Variants in FSIP1 observed in about 807,000 individuals in gnomAD.
FSIP1 encodes the protein fibrous sheath-interacting protein 1.
FSIP1 carries 65 observed loss-of-function variants against 60.9 expected under a neutral mutation model. The observed-to-expected ratio is 1.07, with a 90% confidence interval of 0.87 to 1.31. The LOEUF (loss-of-function observed/expected upper bound fraction) is 1.31, where lower values mean the gene tolerates loss of function less well. FSIP1 is among the 40% of genes most tolerant of loss of function. FSIP1 has a pLI of 0.00. For synonymous variants in FSIP1, 209 were observed against 221.2 expected (o/e 0.94, Z 0.49); for missense variants, 675 against 665.5 (o/e 1.01, Z -0.16).
At chr15:39,681,229 T>C (rs1254969106) in intron 10 of FSIP1, among the ~76,000 whole-genome samples, 1 of 152,170 alleles carries the variant, frequency 6.6e-6, no homozygotes, top group Non-Finnish European at 1.5e-5. Flanking sequence ...TCCAATACAA[T>C]GCAACTTAAA....
At chr15:39,635,597 G>A (rs1892101176) in intron 10 of FSIP1, among the ~76,000 whole-genome samples, 1 of 152,084 alleles carries the variant, frequency 6.6e-6, no homozygotes, top group African/African-American at 2.4e-5. Flanking sequence ...ATTTCCTATT[G>A]TAATAGCTTA....
chr15:39,782,829 C>T lies in FSIP1; in HGVS notation c.-209G>A, dbSNP rs1898327718. Reference sequence around the variant, plus strand: ...TGTGGGACCGCTGTTTCCCTGGCAACCAGATGCGCGATGCTTCCGGTCTCG... The same window carrying T: ...TGTGGGACCGCTGTTTCCCTGGCAATCAGATGCGCGATGCTTCCGGTCTCG... On this transcript the variant is annotated 5_prime_UTR_variant, in exon 1 of 12. Transcript: ENST00000350221. 6.6e-6 allele frequency: 1 copy of T among 152,474 alleles called. No individual in the cohort carries two copies. The highest frequency in any genetic ancestry group is 1.5e-5 in the Non-Finnish European group (1 of 68,242). 9.4% of individuals were successfully genotyped at this position (152,474 alleles called of 1,614,324 possible).
At chr15:39,657,544 T>C (rs1453669713) in intron 10 of FSIP1, among the ~76,000 whole-genome samples, 3 of 152,188 alleles carry the variant, frequency 2.0e-5, no homozygotes, top group African/African-American at 7.2e-5. Context: ...TTTAAAGCAG[T>C]AGTGAACTTC....
At chr15:39,644,924 T>C (rs1892530977) in intron 10 of FSIP1, among the ~76,000 whole-genome samples, 1 of 152,220 alleles carries the variant, frequency 6.6e-6, no homozygotes. Flanking sequence ...AGCTGAACAA[T>C]CATCAGGCAG....
intron 5 of FSIP1, among the ~76,000 whole-genome samples, chr15:39,744,764 CTCT>C (rs1896932943): frequency 5.9e-5 from 8 of 135,444 alleles, no homozygotes; most frequent in African/African-American, 2.3e-4. Flanking sequence ...CTCTCTCTCT[CTCT>C]CCCCCTCAGT....
chr15:39,725,225 G>A (rs1041813282), intron 9 of FSIP1, among the ~76,000 whole-genome samples: 3 of 152,096 alleles, frequency 2.0e-5, no homozygotes, highest in East Asian at 1.9e-4. Context: ...GCGAGATTCC[G>A]TCTCAAAATA....
intron 3 of FSIP1, among the ~76,000 whole-genome samples, chr15:39,767,008 A>G (rs764014042): frequency 1.3e-5 from 2 of 152,114 alleles, no homozygotes; most frequent in Non-Finnish European, 2.9e-5. Flanking sequence ...CCATACCTGG[A>G]TAATTTTTTA....
intron 8 of FSIP1, among the ~76,000 whole-genome samples, chr15:39,728,458 G>A (rs1896282037): frequency 1.3e-5 from 2 of 152,132 alleles, no homozygotes; most frequent in Admixed American, 1.3e-4. Flanking sequence ...CAATGGAACA[G>A]AAGAGAAAGC....
chr15:39,602,775 A>T (rs1890687372), intron 11 of FSIP1, among the ~76,000 whole-genome samples: 1 of 152,220 alleles, frequency 6.6e-6, no homozygotes, highest in Non-Finnish European at 1.5e-5. Flanking sequence ...GGCACAACTT[A>T]AATGCCACCT....
At chr15:39,676,257 G>A (rs1032020545) in intron 10 of FSIP1, among the ~76,000 whole-genome samples, 19 of 151,656 alleles carry the variant, frequency 1.3e-4, no homozygotes, top group Non-Finnish European at 2.6e-4. Flanking sequence ...AAAAATACTA[G>A]GTGTATTATC....
chr15:39,651,415 A>C (rs1178932457), intron 10 of FSIP1, among the ~76,000 whole-genome samples: 1 of 152,222 alleles, frequency 6.6e-6, no homozygotes, highest in East Asian at 1.9e-4. Flanking sequence ...TCTTTTAACC[A>C]TCTGTAAAAA....
chr15:39,662,847 A>T (rs995599198), intron 10 of FSIP1, among the ~76,000 whole-genome samples: 3 of 152,190 alleles, frequency 2.0e-5, no homozygotes, highest in Non-Finnish European at 4.4e-5. Flanking sequence ...TTCACTTCTA[A>T]TTGCATATAT....
intron 8 of FSIP1, among the ~76,000 whole-genome samples, chr15:39,734,804 T>C (rs776770283): frequency 6.6e-6 from 1 of 152,090 alleles, no homozygotes; most frequent in East Asian, 1.9e-4. Flanking sequence ...TATGCTCATA[T>C]TGATAATAAC....
intron 5 of FSIP1, among the ~76,000 whole-genome samples, chr15:39,751,323 C>T (rs1897154049): frequency 6.6e-6 from 1 of 151,670 alleles, no homozygotes; most frequent in Admixed American, 6.6e-5. Flanking sequence ...ATCTGCACTC[C>T]CATGTTTATT....
At chr15:39,657,743 T>C (rs1345118056) in intron 10 of FSIP1, among the ~76,000 whole-genome samples, 1 of 152,026 alleles carries the variant, frequency 6.6e-6, no homozygotes, top group Non-Finnish European at 1.5e-5. Flanking sequence ...GACATAAAAA[T>C]GAAAACAACC....
intron 10 of FSIP1, among the ~76,000 whole-genome samples, chr15:39,701,691 C>A (rs1408445949): frequency 1.3e-5 from 2 of 152,138 alleles, no homozygotes; most frequent in Non-Finnish European, 2.9e-5. Context: ...CATTTTATTT[C>A]TTTAAATATA....
chr15:39,691,944 C>T (rs1204967241), intron 10 of FSIP1, among the ~76,000 whole-genome samples: 5 of 151,924 alleles, frequency 3.3e-5, no homozygotes, highest in African/African-American at 1.2e-4. Flanking sequence ...CAATTACTCA[C>T]CAAAAAGAAA....
At position 39,620,382 on chromosome 15, in the gene FSIP1, CAATT is replaced by C. The variant is rs1327785671; in HGVS notation, c.1189-2141_1189-2138del. Reference sequence around the variant, plus strand: ...CCAATATATAATGTCTAAAACTAATCAATTAAGAAAGTAAGTTATTAATAAATAA... The same window carrying C: ...CCAATATATAATGTCTAAAACTAATCAAGAAAGTAAGTTATTAATAAATAA... On this transcript the variant is annotated intron_variant, in intron 10 of 11. Transcript: ENST00000350221. Among the ~76,000 whole-genome samples, 8 of 151,956 alleles carry C rather than the reference CAATT, an allele frequency of 5.3e-5. No individual in the cohort carries two copies. In the East Asian group the frequency reaches 1.5e-3, roughly 29 times the overall value.
At chr15:39,769,325 C>T (rs999284362) in intron 3 of FSIP1, among the ~76,000 whole-genome samples, 1 of 152,010 alleles carries the variant, frequency 6.6e-6, no homozygotes, top group Admixed American at 6.5e-5. Flanking sequence ...AGCTATCAAC[C>T]TCACAGTGAC....
Sources: allele counts gnomAD v4.1 joint callset (sites outside exome capture counted in the v4.1 genomes callset), GRCh38; gene constraint gnomAD v4.1.1; transcripts MANE v1.5; gene names NCBI Gene and HGNC (gene_info 2026-07-23, HGNC 2026-07-21).